The following SMG5 variants were observed in gnomAD, a reference collection of about 807,000 sequenced individuals.
SMG5 encodes nonsense-mediated mRNA decay factor SMG5.
A neutral mutation model predicts 122.9 loss-of-function variants in SMG5; 53 were observed. The observed-to-expected ratio is 0.43, with a 90% CI of 0.35 to 0.54. The LOEUF (loss-of-function observed/expected upper bound fraction) is 0.54, where lower values mean the gene tolerates loss of function less well. Among genes scored for constraint, SMG5 ranks in the 20% least tolerant of loss-of-function variants. The pLI is 0.01. For missense variants in SMG5, 1,153 were observed against 1,285.6 expected (o/e 0.90, Z 1.58); for synonymous variants, 477 against 490.2 (o/e 0.97, Z 0.35).
intron 6 of SMG5, among the ~76,000 whole-genome samples, chr1:156,273,030 T>C (rs187009833): frequency 2.0e-5 from 3 of 152,278 alleles, no homozygotes; most frequent in South Asian, 2.1e-4. Context: ...TGTTCCTACA[T>C]GCAAATCCCC....
chr1:156,252,485 C>T lies in SMG5; in HGVS notation c.2682G>A (p.Leu894=). The part of the protein sequence containing the change: ...IPRTVIDGLD[L]LKKEHPGARD... ...GGGCCCCTGGGTGTTCCTTCTTCAG[C>T]AAATCCAGGCCATCGATCACTGGTG... Residue 894 remains leucine (L), a synonymous_variant, in exon 19 of 22, where the codon TTG becomes TTA. Transcript: ENST00000361813. The T allele has an allele frequency of 6.2e-7, 1 of 1,614,072 alleles. No homozygotes were observed. Among genetic ancestry groups the T allele is most frequent in the Non-Finnish European group, 8.5e-7 (1 of 1,180,010 alleles).
Position 156,250,681 on chromosome 1 carries a change from G to A in SMG5, c.2968-11C>T. The A allele has an allele frequency of 6.2e-7, 1 of 1,613,778 alleles. No homozygotes were observed. The highest frequency in any genetic ancestry group is 1.3e-5 in the African/African-American group (1 of 75,034). The stretch of plus-strand genomic sequence containing the variant: ...GGCCTGCAGGGCTGCCTGTGGAATG[G>A]GAGAAGGAAAGATGGAGAGGGTCTG... On this transcript the variant is annotated splice_polypyrimidine_tract_variant and intron_variant, in intron 21 of 21. Transcript: ENST00000361813.
At chr1:156,281,426 C>T (rs1662933754) in intron 1 of SMG5, among the ~76,000 whole-genome samples, 1 of 152,244 alleles carries the variant, frequency 6.6e-6, no homozygotes, top group African/African-American at 2.4e-5. Flanking sequence ...ACGTGCCACC[C>T]CCAGCCAACT....
intron 12 of SMG5, among the ~76,000 whole-genome samples, chr1:156,264,857 C>G (rs1488019442): frequency 6.6e-6 from 1 of 152,074 alleles, no homozygotes; most frequent in African/African-American, 2.4e-5. Flanking sequence ...GAAACCCCGT[C>G]TCTACTAAAA....
chr1:156,269,756 T>C (rs1662318860), intron 7 of SMG5, among the ~76,000 whole-genome samples: 2 of 152,052 alleles, frequency 1.3e-5, no homozygotes, highest in Admixed American at 6.5e-5. Flanking sequence ...GCGCCTGTTG[T>C]CCCAGCTACT....
chr1:156,278,457 G>C (rs1392783858), intron 2 of SMG5, among the ~76,000 whole-genome samples: 1 of 151,228 alleles, frequency 6.6e-6, no homozygotes. Flanking sequence ...TGAACCTCTG[G>C]GCTCAAATGA....
chr1:156,250,034 C>A lies in SMG5; in HGVS notation c.*553G>T. The A allele has an allele frequency of 2.3e-6, 1 of 431,196 alleles. No individual in the cohort carries two copies. Among genetic ancestry groups the A allele is most frequent in the Admixed American group, 2.5e-5 (1 of 39,724 alleles). 26.7% of individuals were successfully genotyped at this position (431,196 alleles called of 1,614,324 possible). A position where few individuals can be genotyped will look rare whatever the true frequency, so the allele number is the denominator to read the frequency against. ...CTCCAGGCCTTGCTTCTCTAACAGC[C>A]CCTGTGGCTGGCTCCAGAGCTGCCT... is the stretch of plus-strand genomic sequence containing the variant. On this transcript the variant is annotated 3_prime_UTR_variant, in exon 22 of 22. Coordinates refer to ENST00000361813, the MANE Select transcript of SMG5 (RefSeq NM_015327.3).
chr1:156,289,203 G>A, the SMG5 span, among the ~76,000 whole-genome samples: 1 of 152,216 alleles, frequency 6.6e-6, no homozygotes, highest in Admixed American at 6.5e-5. Context: ...TGCCAGGCGT[G>A]GTGGCTCACA....
At chr1:156,265,282 T>C (rs1213310336) in intron 12 of SMG5, among the ~76,000 whole-genome samples, 1 of 151,552 alleles carries the variant, frequency 6.6e-6, no homozygotes, top group Non-Finnish European at 1.5e-5. Flanking sequence ...TGACAACTCT[T>C]CTACCACAAG....
At position 156,258,500 on chromosome 1, in the gene SMG5, C is replaced by T. The variant is rs148570688; in HGVS notation, c.2442+505G>A. Among the ~76,000 whole-genome samples the T allele has an allele frequency of 5.5e-3, 845 of 152,328 alleles. 12 individuals carry two copies. Among genetic ancestry groups the T allele is most frequent in the African/African-American group, 0.02 (818 of 41,570 alleles). On this transcript the variant is annotated intron_variant, in intron 16 of 21. Transcript: ENST00000361813. ...CAGGTCTTGAGCTAGGCAGCCTCTG[C>T]TCAAAGCCCCTTTCAGGCCAGGCGT...
In SMG5 at chr1:156,278,198, C is replaced by A; in HGVS notation, c.174-150G>T. On this transcript the variant is annotated intron_variant, in intron 2 of 21. Transcript: ENST00000361813. Reference sequence around the variant, plus strand: ...GCAGGGTCAATATGACCCAGCACAACAGCAGCCTAGGAAGGCAGTGGGAGC... The same window carrying A: ...GCAGGGTCAATATGACCCAGCACAAAAGCAGCCTAGGAAGGCAGTGGGAGC... The A allele has an allele frequency of 8.5e-6, 8 of 946,356 alleles. No individual in the cohort carries two copies. The South Asian group carries it at 1.1e-4, about 13-fold the overall frequency. 58.6% of individuals were successfully genotyped at this position (946,356 alleles called of 1,614,324 possible).
rs188124349 is a variant in SMG5 at position 156,257,452 on chromosome 1, T to C, written c.2442+1553A>G. Among the ~76,000 whole-genome samples the C allele has an allele frequency of 2.3e-3, 351 of 152,216 alleles. 2 individuals are homozygous for C. The highest frequency in any genetic ancestry group is 4.2e-3 in the Non-Finnish European group (289 of 68,018). ...GCAAGCAACGTGGCCTGTGTCTATC[T>C]TGGCATGTGGAGTCTAGCACCACAT... On this transcript the variant is annotated intron_variant, in intron 16 of 21. Transcript: ENST00000361813.
At position 156,260,609 on chromosome 1, in the gene SMG5, CA is replaced by C; in HGVS notation, c.2124del (p.Glu709ArgfsTer51). On this transcript the variant is annotated frameshift_variant, in exon 15 of 22. Coordinates refer to ENST00000361813, the MANE Select transcript of SMG5 (RefSeq NM_015327.3). LOFTEE classifies it high-confidence loss of function. ...CAACCTTCAAGAAGATCTTGGACCTCAGGACACAAGGCCAGGCCTGGGCAGA... is the reference window on the plus strand; with the variant it reads ...CAACCTTCAAGAAGATCTTGGACCTCGGACACAAGGCCAGGCCTGGGCAGA... The part of the protein sequence containing the change: ...ELQESGLALC[P>X]EVQDLLEGCE... 1 of 1,514,114 alleles carries C rather than the reference CA, an allele frequency of 6.6e-7. No individual in the cohort carries two copies. 93.8% of individuals were successfully genotyped at this position (1,514,114 alleles called of 1,614,324 possible).
chr1:156,285,203 A>C, upstream of SMG5: 1 of 1,516,704 alleles, frequency 6.6e-7, no homozygotes, highest in Non-Finnish European at 8.8e-7. Flanking sequence ...ACCTTGTGGT[A>C]GATCCCAGAA....
At chr1:156,265,330 G>A (rs897610148) in intron 12 of SMG5, among the ~76,000 whole-genome samples, 27 of 152,096 alleles carry the variant, frequency 1.8e-4, no homozygotes, top group Non-Finnish European at 3.2e-4. Flanking sequence ...ACCCTAGAAT[G>A]ATGCATAGAG....
chr1:156,265,928 T>G lies in SMG5; in HGVS notation c.1708A>C (p.Met570Leu). 1.2e-6 allele frequency: 2 copies of G among 1,614,154 alleles called. No individual in the cohort carries two copies. Among genetic ancestry groups the G allele is most frequent in the Non-Finnish European group, 1.7e-6 (2 of 1,180,008 alleles). The change falls in exon 12 of 22, where the codon ATG (methionine) becomes CTG (leucine). Residue 570 changes from methionine (M) to leucine (L), a missense_variant. Around this residue, in one of 5 missense-constraint regions of SMG5, gnomAD observed 631 missense variants for 650.6 expected, o/e 0.97. Transcript: ENST00000361813. The part of the protein sequence containing the change: ...EASIASNLQA[M>L]STQMFQTKRC... ...TTAGTCTGGAACATCTGGGTGGACA[T>G]GGCTTGTAGATTGCTGGCAATGCTA... is the stretch of plus-strand genomic sequence containing the variant.
At chr1:156,291,483 TCTA>T in the SMG5 span, 6 of 1,613,306 alleles carry the variant, frequency 3.7e-6, no homozygotes, top group Non-Finnish European at 5.1e-6. Flanking sequence ...ATGTGGAACC[TCTA>T]CTACATGTTC....
At chr1:156,285,343 C>T (rs1040394061), upstream of SMG5, 27 of 1,571,478 alleles carry the variant, frequency 1.7e-5, no homozygotes, top group South Asian at 2.4e-5. Flanking sequence ...AAGGTGGGGC[C>T]GAATCCCCGG....
intron 5 of SMG5, among the ~76,000 whole-genome samples, chr1:156,273,818 T>C (rs1243199913): frequency 1.3e-5 from 2 of 150,516 alleles, no homozygotes; most frequent in African/African-American, 4.9e-5. Flanking sequence ...GCCTCCCAAG[T>C]AGCTGGGACT....
Sources: gnomAD v4.1 joint callset for allele counts (sites outside exome capture counted in the v4.1 genomes callset) on GRCh38, gnomAD v4.1.1 for gene constraint, gnomAD v4.1.1 regional missense constraint, MANE v1.5 for transcripts, NCBI Gene and HGNC (gene_info 2026-07-23, HGNC 2026-07-21) for gene names.